LRRC17: variants seen among roughly 807,000 people sequenced by gnomAD.
The protein encoded by LRRC17 is leucine-rich repeat-containing protein 17.
Under a neutral mutation model 41.5 loss-of-function variants are expected in LRRC17, and 33 were observed. The observed-to-expected ratio is 0.80, with a 90% CI of 0.60 to 1.06. The LOEUF (loss-of-function observed/expected upper bound fraction) is 1.06. Ranked by LOEUF, LRRC17 falls within the 50% of genes least tolerant of loss-of-function variation. The pLI is 0.00. For missense variants in LRRC17, 491 were observed against 519.3 expected (o/e 0.95, Z 0.53); for synonymous variants, 192 against 197.0 (o/e 0.97, Z 0.21).
Position 102,922,050 on chromosome 7 carries a change from T to C in LRRC17, c.-141+8905T>C, listed in dbSNP as rs149129490. 4.9e-3 allele frequency among the ~76,000 whole-genome samples: 738 copies of C among 151,792 alleles called. 6 individuals are homozygous for C. The highest frequency in any genetic ancestry group is 0.017 in the African/African-American group (698 of 41,356). On this transcript the variant is annotated intron_variant, in intron 1 of 3. Coordinates refer to ENST00000339431, the MANE Select transcript of LRRC17 (RefSeq NM_001031692.3). ...TATTAAAATTCAAAAATCAGCAGAG[T>C]GTGGTGGCAGACACCTGTAATCCTA...
intron 1 of LRRC17, among the ~76,000 whole-genome samples, chr7:102,919,906 A>G (rs1816658133): frequency 6.6e-6 from 1 of 152,244 alleles, no homozygotes; most frequent in African/African-American, 2.4e-5. Flanking sequence ...AAGACCATCA[A>G]TGAATGGCCT....
intron 2 of LRRC17, among the ~76,000 whole-genome samples, chr7:102,936,505 G>T (rs75870421): frequency 1.2e-4 from 18 of 152,224 alleles, no homozygotes; most frequent in Admixed American, 7.2e-4. Flanking sequence ...AGCCAGAGTG[G>T]GTAGAATTTC....
chr7:102,922,020 G>A (rs982616905), intron 1 of LRRC17, among the ~76,000 whole-genome samples: 3 of 151,922 alleles, frequency 2.0e-5, no homozygotes, highest in South Asian at 4.1e-4. Flanking sequence ...ATGAAACCTC[G>A]TCTCTATTAA....
chr7:102,931,046 C>A (rs1819078675), intron 1 of LRRC17, among the ~76,000 whole-genome samples: 1 of 152,158 alleles, frequency 6.6e-6, no homozygotes, highest in Non-Finnish European at 1.5e-5. Flanking sequence ...CCTAGAGGAG[C>A]AGCAGTGAAC....
intron 2 of LRRC17, among the ~76,000 whole-genome samples, chr7:102,936,002 G>A (rs1820233022): frequency 6.6e-6 from 1 of 152,144 alleles, no homozygotes; most frequent in Admixed American, 6.5e-5. Context: ...TACCAGCAAA[G>A]TCATGCTCAA....
chr7:102,934,059 C>G lies in LRRC17; in HGVS notation c.146C>G (p.Ala49Gly), dbSNP rs759036679. The G allele has an allele frequency of 1.2e-5, 19 of 1,614,046 alleles. No homozygotes were observed. Among genetic ancestry groups the G allele is most frequent in the Non-Finnish European group, 1.4e-5 (17 of 1,180,006 alleles). ...GGCTCCAACCCGGTCAAACGCTACG[C>G]ACCAGGCCTCCCGTGTGACGTGTAC... ...RRGSNPVKRY[A>G]PGLPCDVYTY... is the part of the protein sequence containing the mutation. Residue 49 changes from alanine (A) to glycine (G), a missense_variant, in exon 2 of 4, where the codon GCA becomes GGA. Physicochemically the swap from Ala to Gly is moderately conservative, Grantham distance 60. Transcript: ENST00000339431.
chr7:102,929,633 C>T (rs1251142079), intron 1 of LRRC17, among the ~76,000 whole-genome samples: 2 of 128,462 alleles, frequency 1.6e-5, no homozygotes, highest in African/African-American at 5.8e-5. Flanking sequence ...CACTGCACTC[C>T]AGCCTGGGCA....
chr7:102,919,696 T>G (rs1015438165), intron 1 of LRRC17, among the ~76,000 whole-genome samples: 1 of 152,182 alleles, frequency 6.6e-6, no homozygotes, highest in African/African-American at 2.4e-5. Context: ...GTTTTAAAGA[T>G]AAAATACAGA....
intron 3 of LRRC17, among the ~76,000 whole-genome samples, chr7:102,939,877 T>C (rs565364871): frequency 3.3e-5 from 5 of 152,168 alleles, no homozygotes; most frequent in African/African-American, 9.6e-5. Flanking sequence ...TGGTCAATAG[T>C]ATACTAAAAT....
At chr7:102,918,872 A>G (rs1396245979) in intron 1 of LRRC17, among the ~76,000 whole-genome samples, 1 of 152,220 alleles carries the variant, frequency 6.6e-6, no homozygotes, top group Non-Finnish European at 1.5e-5. Context: ...GTTTATGTAC[A>G]TACATACATG....
In LRRC17 at chr7:102,913,092, G is replaced by A. The variant is rs771655721; in HGVS notation, c.-194G>A. 4.3e-6 allele frequency: 7 copies of A among 1,614,142 alleles called. No homozygotes were observed. Among genetic ancestry groups the A allele is most frequent in the South Asian group, 1.1e-5 (1 of 91,074 alleles). On this transcript the variant is annotated 5_prime_UTR_variant, in exon 1 of 4. Coordinates refer to ENST00000339431, the MANE Select transcript of LRRC17 (RefSeq NM_001031692.3). ...AGAAGACTGAAAGACAAACCTGGGT[G>A]CAGCCAGAGAGGTCCAGATAGATGA...
Position 102,930,420 on chromosome 7 carries a change from A to C in LRRC17, c.-140-3354A>C, listed in dbSNP as rs867802216. ...CCTGTTTTCCTTCTACCACTCTCTA[A>C]GACACTTTTCTGGAAAGATCAGTTT... On this transcript the variant is annotated intron_variant, in intron 1 of 3. Coordinates refer to ENST00000339431, the MANE Select transcript of LRRC17 (RefSeq NM_001031692.3). Among the ~76,000 whole-genome samples, 5 of 152,144 alleles carry C rather than the reference A, an allele frequency of 3.3e-5. No individual in the cohort carries two copies. In the South Asian group the frequency reaches 1.0e-3, roughly 32 times the overall value.
At chr7:102,932,596 G>A (rs554611969) in intron 1 of LRRC17, among the ~76,000 whole-genome samples, 18 of 2,734 alleles carry the variant, frequency 6.6e-3, no homozygotes, top group Non-Finnish European at 0.022. Context: ...TGTTTGTTTC[G>A]TTTTTTTGAG....
intron 3 of LRRC17, among the ~76,000 whole-genome samples, chr7:102,940,371 G>C (rs999799872): frequency 6.6e-6 from 1 of 151,156 alleles, no homozygotes; most frequent in Non-Finnish European, 1.5e-5. Context: ...CACCACGCCC[G>C]GCTAATTTTT....
At chr7:102,941,977 G>A (rs1821554309) in intron 3 of LRRC17, among the ~76,000 whole-genome samples, 2 of 152,076 alleles carry the variant, frequency 1.3e-5, no homozygotes, top group Non-Finnish European at 2.9e-5. Flanking sequence ...CATCAGTTGT[G>A]GAATTCCCAT....
At position 102,934,053 on chromosome 7, in the gene LRRC17, G is replaced by A; in HGVS notation, c.140G>A (p.Arg47His). ...CGGAGAGGCTCCAACCCGGTCAAAC[G>A]CTACGCACCAGGCCTCCCGTGTGAC... ...GGRRGSNPVK[R>H]YAPGLPCDVY... is the part of the protein sequence containing the mutation. The change falls in exon 2 of 4, where the codon CGC becomes CAC. Residue 47 changes from arginine (R) to histidine (H), a missense_variant. Coordinates refer to ENST00000339431, the MANE Select transcript of LRRC17 (RefSeq NM_001031692.3). 8.1e-6 allele frequency: 13 copies of A among 1,614,126 alleles called. No individual in the cohort carries two copies. The highest frequency in any genetic ancestry group is 1.1e-5 in the South Asian group (1 of 91,086).
At chr7:102,924,641 CTTT>C (rs71106699) in intron 1 of LRRC17, among the ~76,000 whole-genome samples, 10 of 121,038 alleles carry the variant, frequency 8.3e-5, no homozygotes, top group Admixed American at 9.7e-5. Flanking sequence ...GTAAGCTTTT[CTTT>C]TTTTTTTTTT....
chr7:102,913,631 A>G (rs1208733294), intron 1 of LRRC17, among the ~76,000 whole-genome samples: 1 of 152,224 alleles, frequency 6.6e-6, no homozygotes, highest in Admixed American at 6.5e-5. Flanking sequence ...TAAAAGGACA[A>G]ATCCTTTGTA....
chr7:102,942,337 G>T (rs761265248), intron 3 of LRRC17: 1 of 1,589,856 alleles, frequency 6.3e-7, no homozygotes, highest in Non-Finnish European at 8.6e-7. Context: ...AATGATTTTT[G>T]CTGTGGTAAG....
Sources: allele counts gnomAD v4.1 joint callset (sites outside exome capture counted in the v4.1 genomes callset), GRCh38; gene constraint gnomAD v4.1.1; transcripts MANE v1.5; gene names NCBI Gene and HGNC (gene_info 2026-07-23, HGNC 2026-07-21).